DCP2: variants seen among roughly 807,000 people sequenced by gnomAD.
DCP2 encodes the protein decapping mRNA 2.
A neutral mutation model predicts 56.1 loss-of-function variants in DCP2; 30 were observed. The ratio of observed to expected loss-of-function variants is 0.53; its 90% CI spans 0.40 to 0.73. The LOEUF (loss-of-function observed/expected upper bound fraction) is 0.73, where lower values mean the gene tolerates loss of function less well. Among genes scored for constraint, DCP2 ranks in the 30% least tolerant of loss-of-function variants. The pLI is 0.00. For missense variants in DCP2, 533 were observed against 502.7 expected (o/e 1.06, Z -0.58); for synonymous variants, 197 against 163.3 (o/e 1.21, Z -1.57).
At position 113,020,518 on chromosome 5, in the gene DCP2, G is replaced by C. The variant is rs1460623406; in HGVS notation, c.*7034G>C. The C allele has an allele frequency of 6.6e-6, 1 of 152,160 alleles. No homozygotes were observed. The highest frequency in any genetic ancestry group is 2.4e-5 in the African/African-American group (1 of 41,446). The allele number at this position is 152,160 out of a possible 1,614,324, so 9.4% of individuals were successfully genotyped here. A position where few individuals can be genotyped will look rare whatever the true frequency, so the allele number is the denominator to read the frequency against. On this transcript the variant is annotated 3_prime_UTR_variant, in exon 11 of 11. Transcript: ENST00000389063. ...CTTGTTATAAGAACAGAAACATTTGGAACAGGTTTCATTCTGTTTCTAGAT... is the reference window on the plus strand; with the variant it reads ...CTTGTTATAAGAACAGAAACATTTGCAACAGGTTTCATTCTGTTTCTAGAT...
intron 4 of DCP2, among the ~76,000 whole-genome samples, chr5:112,994,048 C>T (rs992671884): frequency 7.2e-5 from 11 of 151,762 alleles, no homozygotes; most frequent in South Asian, 4.1e-4. Context: ...CTCTCCTCCT[C>T]GGCCTCCCAA....
At chr5:112,997,233 C>T (rs901793072) in intron 4 of DCP2, among the ~76,000 whole-genome samples, 8 of 152,146 alleles carry the variant, frequency 5.3e-5, no homozygotes, top group Non-Finnish European at 1.0e-4. Context: ...CAGTCCATAC[C>T]GTGGCCTCCT....
chr5:112,991,994 A>C, intron 2 of DCP2, 127 bp from the exon 3 acceptor site: 1 of 1,392,682 alleles, frequency 7.2e-7, no homozygotes, highest in Non-Finnish European at 9.8e-7. Flanking sequence ...AAAATGCTAC[A>C]CTTAAATGAG....
At chr5:112,994,163 CTTTTT>C (rs771514208) in intron 4 of DCP2, among the ~76,000 whole-genome samples, 3 of 75,148 alleles carry the variant, frequency 4.0e-5, no homozygotes, top group South Asian at 4.4e-4. Context: ...TTTTTTCTTT[CTTTTT>C]TTTTTTTTTT....
chr5:113,006,044 T>C (rs532676322), intron 8 of DCP2, among the ~76,000 whole-genome samples: 1 of 147,194 alleles, frequency 6.8e-6, no homozygotes, highest in East Asian at 2.0e-4. Context: ...GAAAATCACC[T>C]GAGCCTGGGA....
chr5:112,989,102 G>A (rs1017661595), intron 2 of DCP2, among the ~76,000 whole-genome samples: 1 of 152,202 alleles, frequency 6.6e-6, no homozygotes, highest in African/African-American at 2.4e-5. Context: ...GTATCTTCAA[G>A]AAGATGAGAA....
intron 1 of DCP2, among the ~76,000 whole-genome samples, chr5:112,980,886 A>G (rs569169943): frequency 3.3e-5 from 5 of 151,760 alleles, no homozygotes; most frequent in African/African-American, 4.8e-5. Flanking sequence ...TCAACTTTCT[A>G]TATTGAATTG....
chr5:113,003,036 C>G (rs1002317521), intron 7 of DCP2, among the ~76,000 whole-genome samples: 4 of 152,160 alleles, frequency 2.6e-5, no homozygotes, highest in African/African-American at 4.8e-5. Context: ...TAGGAGTAAA[C>G]CACCTCTATA....
chr5:113,001,443 A>G lies in DCP2; in HGVS notation c.672A>G (p.Lys224=). The stretch of plus-strand genomic sequence containing the variant: ...CCAAACTTGGTTTGGCACCTAACAA[A>G]TTTTTTATGGCCATTCCCTTTATCA... ...PKSKLGLAPN[K]FFMAIPFIRP... Residue 224 remains lysine (K), a synonymous_variant, in exon 6 of 11, where the codon AAA becomes AAG. Transcript: ENST00000389063. 1 of 1,613,802 alleles carries G rather than the reference A, an allele frequency of 6.2e-7. No individual in the cohort carries two copies. The highest frequency in any genetic ancestry group is 8.5e-7 in the Non-Finnish European group (1 of 1,179,914).
In DCP2 at chr5:113,021,181, C is replaced by G. The variant is rs1750106970; in HGVS notation, c.*7697C>G. ...GATCACGAGGTCAGGAGTTCGAGAC[C>G]AGCCTGACCAACATGGTGAAACTAA... On this transcript the variant is annotated 3_prime_UTR_variant, in exon 11 of 11. Transcript: ENST00000389063. 6.6e-6 allele frequency among the ~76,000 whole-genome samples: 1 copy of G among 151,932 alleles called. No homozygotes were observed. The highest frequency in any genetic ancestry group is 2.4e-5 in the African/African-American group (1 of 41,376).
At chr5:113,003,868 TTTAACTA>T (rs1749294649) in intron 7 of DCP2, 67 bp from the exon 8 acceptor site, 1 of 1,504,428 alleles carries the variant, frequency 6.6e-7, no homozygotes, top group African/African-American at 1.4e-5. Context: ...AGTCTATAAA[TTTAACTA>T]TTAAGGTGTT....
At position 113,001,161 on chromosome 5, in the gene DCP2, G is replaced by T; in HGVS notation, c.510G>T (p.Gln170His). 1.2e-6 allele frequency: 2 copies of T among 1,613,840 alleles called. No homozygotes were observed. The highest frequency in any genetic ancestry group is 1.1e-5 in the South Asian group (1 of 91,010). Reference sequence around the variant, plus strand: ...ACATTGAACTTCGAATCAATGACCAGCTTGCTCGTTTGTACATCATTCCAG... The same window carrying T: ...ACATTGAACTTCGAATCAATGACCATCTTGCTCGTTTGTACATCATTCCAG... ...DDYIELRIND[Q>H]LARLYIIPGI... Residue 170 changes from glutamine to histidine, a missense_variant, in exon 5 of 11, where the codon CAG (glutamine) becomes CAT (histidine). Around this residue, in one of 3 missense-constraint regions of DCP2, gnomAD observed 392 missense variants for 346.6 expected, o/e 1.13. Coordinates refer to ENST00000389063, the MANE Select transcript of DCP2 (RefSeq NM_152624.6).
intron 2 of DCP2, among the ~76,000 whole-genome samples, chr5:112,990,883 AT>A (rs10714092): frequency 0.45 from 67,755 of 150,928 alleles, 16,571 homozygotes; most frequent in East Asian, 0.62. Context: ...ATTTAATGTG[AT>A]TTTTTTTTTT....
At chr5:113,004,926 A>C (rs1749346831) in intron 8 of DCP2, among the ~76,000 whole-genome samples, 1 of 151,704 alleles carries the variant, frequency 6.6e-6, no homozygotes, top group African/African-American at 2.4e-5. Context: ...CATAAGTTCG[A>C]GATCAGCCCC....
rs1748651292 is a variant in DCP2 at position 112,992,761 on chromosome 5, T to A, written c.423T>A (p.Ala141=). ...VNKEEAPHDC[A]AREVFEETGF... ...AAGAAGAAGCTCCTCATGATTGTGC[T>A]GCTAGAGAGGTAAGTTATTCCATTT... The change falls in exon 4 of 11, where the codon GCT becomes GCA. Residue 141 remains alanine, a synonymous_variant. Transcript: ENST00000389063. 6.4e-7 allele frequency: 1 copy of A among 1,572,846 alleles called. No homozygotes were observed. The highest frequency in any genetic ancestry group is 8.6e-7 in the Non-Finnish European group (1 of 1,169,220).
intron 9 of DCP2, among the ~76,000 whole-genome samples, chr5:113,009,962 G>C (rs1749607900): frequency 6.9e-6 from 1 of 145,402 alleles, no homozygotes; most frequent in East Asian, 2.0e-4. Flanking sequence ...CTGTCGTCTA[G>C]AGTACAATGG....
At chr5:112,994,163 CTTTTTTTTT>C (rs771514208) in intron 4 of DCP2, among the ~76,000 whole-genome samples, 6 of 75,152 alleles carry the variant, frequency 8.0e-5, no homozygotes, top group African/African-American at 3.1e-4. Flanking sequence ...TTTTTTCTTT[CTTTTTTTTT>C]TTTTTTTTTT....
intron 2 of DCP2, among the ~76,000 whole-genome samples, chr5:112,989,624 A>T (rs1452604405): frequency 6.6e-6 from 1 of 152,174 alleles, no homozygotes; most frequent in Non-Finnish European, 1.5e-5. Flanking sequence ...AAAACAGATT[A>T]AAAAAACTTA....
In DCP2 at chr5:113,020,839, C is replaced by G. The variant is rs1375328049; in HGVS notation, c.*7355C>G. ...GGTTAGAAACTAAAAGCCTTTTAAT[C>G]TTACAAAATACAATTTGAACGATGG... is the stretch of plus-strand genomic sequence containing the variant. On this transcript the variant is annotated 3_prime_UTR_variant, in exon 11 of 11. Transcript: ENST00000389063. 6.6e-6 allele frequency: 1 copy of G among 152,140 alleles called. No homozygotes were observed. The highest frequency in any genetic ancestry group is 1.5e-5 in the Non-Finnish European group (1 of 68,008). 9.4% of individuals were successfully genotyped at this position (152,140 alleles called of 1,614,324 possible).
Sources: allele counts gnomAD v4.1 joint callset (sites outside exome capture counted in the v4.1 genomes callset), GRCh38; gene constraint gnomAD v4.1.1; regional missense constraint gnomAD v4.1.1; transcripts MANE v1.5; gene names NCBI Gene and HGNC (gene_info 2026-07-23, HGNC 2026-07-21).